Variants in METTL2A observed in about 807,000 individuals in gnomAD.
METTL2A encodes tRNA N(3)-cytidine methyltransferase METTL2A.
A neutral mutation model predicts 49.4 loss-of-function variants in METTL2A; 45 were observed. The ratio of observed to expected loss-of-function variants is 0.91; its 90% confidence interval spans 0.72 to 1.17. The LOEUF (loss-of-function observed/expected upper bound fraction) is 1.17, where lower values mean the gene tolerates loss of function less well. Among genes scored for constraint, METTL2A ranks in the 50% most tolerant of loss-of-function variants. The probability of loss-of-function intolerance (pLI) is 0.00; values close to 1 mark genes in which losing one functional copy is unlikely to be tolerated. For synonymous variants in METTL2A, 118 were observed against 167.5 expected, an observed-to-expected ratio of 0.70 and a Z score of 2.28; for missense variants, 361 against 462.2, an observed-to-expected ratio of 0.78 and a Z score of 2.01.
In METTL2A at chr17:62,449,348, A is replaced by G. The variant is rs542961482; in HGVS notation, c.*619A>G. On this transcript the variant is annotated 3_prime_UTR_variant, in exon 9 of 9. Coordinates refer to ENST00000311506, the MANE Select transcript of METTL2A (RefSeq NM_181725.4). ...TCAGATCAGATATTTTCCTGACAAAAAAAAATGACCCTACAGAGAGCATCA... is the reference window on the plus strand; with the variant it reads ...TCAGATCAGATATTTTCCTGACAAAGAAAAATGACCCTACAGAGAGCATCA... 9.2e-6 allele frequency: 4 copies of G among 434,856 alleles called. No individual in the cohort carries two copies. The highest frequency in any genetic ancestry group is 6.2e-5 in the African/African-American group (3 of 48,494). The allele number at this position is 434,856 out of a possible 1,614,324, so 26.9% of individuals were successfully genotyped here.
At chr17:62,442,999 T>A (rs892667844) in intron 6 of METTL2A, among the ~76,000 whole-genome samples, 1 of 152,126 alleles carries the variant, frequency 6.6e-6, no homozygotes, top group Non-Finnish European at 1.5e-5. Flanking sequence ...ACTGAAGTCA[T>A]CCAACCTGAG....
In METTL2A at chr17:62,444,152, A is replaced by C. The variant is rs193045984; in HGVS notation, c.810-685A>C. Among the ~76,000 whole-genome samples, 357 of 152,352 alleles carry C rather than the reference A, an allele frequency of 2.3e-3. 2 individuals are homozygous for C. Among genetic ancestry groups the C allele is most frequent in the African/African-American group, 7.3e-3 (302 of 41,584 alleles). Reference sequence around the variant, plus strand: ...AGAGCTCAGGTCTAATGATGCAGGCAGATAAGTCACCTAGCAGAACCCACT... The same window carrying C: ...AGAGCTCAGGTCTAATGATGCAGGCCGATAAGTCACCTAGCAGAACCCACT... On this transcript the variant is annotated intron_variant, in intron 6 of 8. Coordinates refer to ENST00000311506, the MANE Select transcript of METTL2A (RefSeq NM_181725.4).
intron 6 of METTL2A, among the ~76,000 whole-genome samples, chr17:62,442,210 G>A (rs2070742743): frequency 6.6e-6 from 1 of 152,098 alleles, no homozygotes; most frequent in Non-Finnish European, 1.5e-5. Context: ...AAAGTCAAAT[G>A]CTATATCCTA....
Position 62,450,803 on chromosome 17 carries a change from CAA to C in METTL2A, c.*2075_*2076del, listed in dbSNP as rs878895824. 3.3e-5 allele frequency: 5 copies of C among 152,172 alleles called. No individual in the cohort carries two copies. Among genetic ancestry groups the C allele is most frequent in the African/African-American group, 1.2e-4 (5 of 41,430 alleles). The allele number at this position is 152,172 out of a possible 1,614,324, so 9.4% of individuals were successfully genotyped here. On this transcript the variant is annotated 3_prime_UTR_variant, in exon 9 of 9. Transcript: ENST00000311506. Reference sequence around the variant, plus strand: ...TGCCATTGCACTCCAGCCTGGGTGACAAGAGCGAAACTGCATCTCAGAAACAA... The same window carrying C: ...TGCCATTGCACTCCAGCCTGGGTGACGAGCGAAACTGCATCTCAGAAACAA...
intron 7 of METTL2A, among the ~76,000 whole-genome samples, 165 bp downstream of exon 7, chr17:62,445,108 A>T (rs1479555721): frequency 7.4e-6 from 1 of 135,468 alleles, no homozygotes; most frequent in Non-Finnish European, 1.6e-5. Context: ...ACACATGGAC[A>T]CGGGGCGGGG....
In METTL2A at chr17:62,449,188, T is replaced by C. The variant is rs1334278651; in HGVS notation, c.*459T>C. 2 of 266,558 alleles carry C rather than the reference T, an allele frequency of 7.5e-6. No homozygotes were observed. Among genetic ancestry groups the C allele is most frequent in the Non-Finnish European group, 1.5e-5 (2 of 135,710 alleles). 16.5% of individuals were successfully genotyped at this position (266,558 alleles called of 1,614,324 possible). ...TATTTCCATGTGAAAAAGTGTTACA[T>C]ATGACAAGTGTTTTTTGACTGTAAT... On this transcript the variant is annotated 3_prime_UTR_variant, in exon 9 of 9. Transcript: ENST00000311506.
intron 6 of METTL2A, among the ~76,000 whole-genome samples, chr17:62,443,094 C>T (rs1320665861): frequency 6.6e-6 from 1 of 152,126 alleles, no homozygotes; most frequent in Non-Finnish European, 1.5e-5. Flanking sequence ...AGAGGTTGAC[C>T]AGGCACAGTG....
rs1308123123 is a variant in METTL2A, at chr17:62,453,158, C to T, written c.*4429C>T. Among the ~76,000 whole-genome samples the T allele has an allele frequency of 6.6e-6, 1 of 152,146 alleles. No homozygotes were observed. On this transcript the variant is annotated 3_prime_UTR_variant, in exon 9 of 9. Coordinates refer to ENST00000311506, the MANE Select transcript of METTL2A (RefSeq NM_181725.4). ...TCTGGCACCTGGTTTGGGCTTTGGG[C>T]TTAGATTAAAAAGACGAGCCTTCTC...
At chr17:62,447,005 T>G (rs190043249) in intron 7 of METTL2A, among the ~76,000 whole-genome samples, 19 of 152,276 alleles carry the variant, frequency 1.2e-4, no homozygotes, top group Admixed American at 1.2e-3. Flanking sequence ...ATCAAAACAA[T>G]ATCTGAGTTG....
In METTL2A at chr17:62,448,881, G is replaced by A. The variant is rs2070787119; in HGVS notation, c.*152G>A. On this transcript the variant is annotated 3_prime_UTR_variant, in exon 9 of 9. Transcript: ENST00000311506. ...TCCATTGAGCCCAGCAGTCCAACCT[G>A]GGCAAAATAGTGAGAGACCCTGTAT... 2 of 1,145,712 alleles carry A rather than the reference G, an allele frequency of 1.7e-6. No homozygotes were observed. Among genetic ancestry groups the A allele is most frequent in the Non-Finnish European group, 2.4e-6 (2 of 842,566 alleles). The allele number at this position is 1,145,712 out of a possible 1,614,324, so 71.0% of individuals were successfully genotyped here. A position where few individuals can be genotyped will look rare whatever the true frequency, so the allele number is the denominator to read the frequency against.
intron 4 of METTL2A, among the ~76,000 whole-genome samples, chr17:62,431,508 C>T (rs1000769871): frequency 7.2e-5 from 11 of 152,108 alleles, no homozygotes; most frequent in African/African-American, 2.4e-4. Context: ...CGTGTGCCAC[C>T]ACCCCTGCTA....
At chr17:62,431,742 A>T (rs1218516574) in intron 4 of METTL2A, among the ~76,000 whole-genome samples, 1 of 151,668 alleles carries the variant, frequency 6.6e-6, no homozygotes, top group Non-Finnish European at 1.5e-5. Context: ...TGGTTTTGAG[A>T]TGGCATCTTG....
chr17:62,434,771 C>T lies in METTL2A; in HGVS notation c.609-461C>T, dbSNP rs192974200. On this transcript the variant is annotated intron_variant, in intron 4 of 8. Transcript: ENST00000311506. ...TAATACCCAATGCATAGTGGGCTCT[C>T]AGTAGTGTTTGGTGAACTAATAAGC... The T allele has an allele frequency of 7.8e-3, 1,383 of 177,376 alleles. 9 individuals carry two copies. The highest frequency in any genetic ancestry group is 0.022 in the South Asian group (168 of 7,672). The allele number at this position is 177,376 out of a possible 1,614,324, so 11.0% of individuals were successfully genotyped here. A position where few individuals can be genotyped will look rare whatever the true frequency, so the allele number is the denominator to read the frequency against.
chr17:62,440,328 T>G (rs965780006), intron 5 of METTL2A, among the ~76,000 whole-genome samples: 1 of 152,082 alleles, frequency 6.6e-6, no homozygotes, highest in Non-Finnish European at 1.5e-5. Context: ...TCCTTGCCAT[T>G]ACTTTCAATA....
At position 62,424,323 on chromosome 17, in the gene METTL2A, G is replaced by T. The variant is rs1464739663; in HGVS notation, c.202+13G>T. ...CAGGAGAAACAAGGTGCGCTTAAAT[G>T]GGCTCTCATTGGTATCAACAGCCAG... On this transcript the variant is annotated intron_variant, in intron 2 of 8. Coordinates refer to ENST00000311506, the MANE Select transcript of METTL2A (RefSeq NM_181725.4). 12 of 1,613,676 alleles carry T rather than the reference G, an allele frequency of 7.4e-6. No homozygotes were observed. Among genetic ancestry groups the T allele is most frequent in the Non-Finnish European group, 9.3e-6 (11 of 1,179,822 alleles).
chr17:62,443,963 G>A (rs1197955553), intron 6 of METTL2A, among the ~76,000 whole-genome samples: 2 of 152,116 alleles, frequency 1.3e-5, no homozygotes, highest in Non-Finnish European at 2.9e-5. Flanking sequence ...AGTTATGAAA[G>A]CTTCAACCTG....
Position 62,449,319 on chromosome 17 carries a change from A to G in METTL2A, c.*590A>G, listed in dbSNP as rs1417201961. ...AAGTTGTAGGGGAAGCAAGCTGGGA[A>G]GAATCAGATCAGATATTTTCCTGAC... On this transcript the variant is annotated 3_prime_UTR_variant, in exon 9 of 9. Coordinates refer to ENST00000311506, the MANE Select transcript of METTL2A (RefSeq NM_181725.4). 1.2e-5 allele frequency: 5 copies of G among 418,424 alleles called. No homozygotes were observed. The highest frequency in any genetic ancestry group is 1.0e-4 in the African/African-American group (5 of 47,662). 25.9% of individuals were successfully genotyped at this position (418,424 alleles called of 1,614,324 possible). A position where few individuals can be genotyped will look rare whatever the true frequency, so the allele number is the denominator to read the frequency against.
intron 4 of METTL2A, among the ~76,000 whole-genome samples, chr17:62,434,367 A>G (rs1461097037): frequency 6.6e-6 from 1 of 152,124 alleles, no homozygotes; most frequent in Non-Finnish European, 1.5e-5. Context: ...GTTCAGCAGG[A>G]AGCAGAGCCC....
intron 7 of METTL2A, among the ~76,000 whole-genome samples, chr17:62,445,855 A>G (rs2070764939): frequency 1.3e-5 from 2 of 152,296 alleles, no homozygotes; most frequent in African/African-American, 4.8e-5. Flanking sequence ...ATGACAAAAG[A>G]TGCCATTAAA....
Sources: gnomAD v4.1 joint callset for allele counts (sites outside exome capture counted in the v4.1 genomes callset) on GRCh38, gnomAD v4.1.1 for gene constraint, MANE v1.5 for transcripts, NCBI Gene and HGNC (gene_info 2026-07-23, HGNC 2026-07-21) for gene names.